Variants in ARSB observed in about 807,000 individuals in gnomAD.
The protein encoded by ARSB is N-acetylgalactosamine-4-sulfatase.
ARSB carries 41 observed loss-of-function variants against 50.9 expected under a neutral mutation model. The ratio of observed to expected loss-of-function variants is 0.81; its 90% CI spans 0.63 to 1.04. The LOEUF is 1.04. Among genes scored for constraint, ARSB ranks in the 50% least tolerant of loss-of-function variants. The probability of loss-of-function intolerance (pLI) is 0.00; values close to 1 mark genes in which losing one functional copy is unlikely to be tolerated. For synonymous variants in ARSB, 269 were observed against 284.8 expected (o/e 0.94, Z 0.56); for missense variants, 672 against 693.3 (o/e 0.97, Z 0.35).
intron 6 of ARSB, among the ~76,000 whole-genome samples, chr5:78,807,523 C>T (rs1010530635): frequency 6.6e-6 from 1 of 152,146 alleles, no homozygotes; most frequent in Non-Finnish European, 1.5e-5. Context: ...TTCAAGGGAG[C>T]CTGGTTTCCA....
At chr5:78,839,474 C>A (rs368952944) in intron 5 of ARSB, 48 bp from the exon 6 acceptor site, 3 of 1,502,356 alleles carry the variant, frequency 2.0e-6, no homozygotes, top group Non-Finnish European at 2.8e-6. Context: ...CTCTAATGGG[C>A]ATGAATTATT....
At chr5:78,855,641 T>C (rs73124626) in intron 5 of ARSB, among the ~76,000 whole-genome samples, 7,440 of 152,138 alleles carry the variant, frequency 0.049, 584 homozygotes, top group African/African-American at 0.17. Flanking sequence ...GTGTGGATCA[T>C]AGTATTGGCT....
chr5:78,893,825 T>C (rs1748445356), intron 4 of ARSB, among the ~76,000 whole-genome samples: 1 of 152,246 alleles, frequency 6.6e-6, no homozygotes, highest in South Asian at 2.1e-4. Context: ...CCATGTTTGA[T>C]GTATTAAGCG....
At chr5:78,808,499 G>T (rs963262580) in intron 6 of ARSB, among the ~76,000 whole-genome samples, 1 of 152,034 alleles carries the variant, frequency 6.6e-6, no homozygotes, top group Non-Finnish European at 1.5e-5. Context: ...TTCTGATGAC[G>T]AGGCCTGCAT....
chr5:78,916,443 T>C (rs530473377), intron 4 of ARSB, among the ~76,000 whole-genome samples: 4 of 152,230 alleles, frequency 2.6e-5, no homozygotes, highest in Non-Finnish European at 5.9e-5. Context: ...TAAACTTGCC[T>C]GTCTTCCGGG....
At chr5:78,796,134 A>T (rs558711976) in intron 6 of ARSB, among the ~76,000 whole-genome samples, 1 of 152,364 alleles carries the variant, frequency 6.6e-6, no homozygotes, top group African/African-American at 2.4e-5. Context: ...AGCCACCTAT[A>T]CCTGAAATAG....
intron 4 of ARSB, among the ~76,000 whole-genome samples, chr5:78,903,404 C>T (rs1042094487): frequency 2.3e-4 from 35 of 152,202 alleles, no homozygotes; most frequent in African/African-American, 8.2e-4. Context: ...TGTGATTCCT[C>T]GAGACAGCAT....
At chr5:78,968,450 C>T (rs1752305797) in intron 2 of ARSB, among the ~76,000 whole-genome samples, 1 of 151,676 alleles carries the variant, frequency 6.6e-6, no homozygotes, top group Admixed American at 6.6e-5. Context: ...TGGGTTCATG[C>T]CCATTCTCCT....
chr5:78,854,289 T>A (rs1581046544), intron 5 of ARSB, among the ~76,000 whole-genome samples: 1 of 152,278 alleles, frequency 6.6e-6, no homozygotes, highest in South Asian at 2.1e-4. Context: ...TTGTTCTTGC[T>A]TTTCTAGTTT....
chr5:78,875,479 C>A (rs1048982265), intron 5 of ARSB, among the ~76,000 whole-genome samples: 10 of 151,870 alleles, frequency 6.6e-5, no homozygotes, highest in Non-Finnish European at 1.5e-4. Context: ...ATGCTGTAGA[C>A]GTTAGTTTAT....
At chr5:78,855,344 A>G (rs1459655058) in intron 5 of ARSB, among the ~76,000 whole-genome samples, 1 of 152,202 alleles carries the variant, frequency 6.6e-6, no homozygotes, top group Non-Finnish European at 1.5e-5. Context: ...GATTTCTCTG[A>G]GCAGTCAAAG....
chr5:78,957,858 G>A (rs1751803986), intron 3 of ARSB, among the ~76,000 whole-genome samples: 1 of 151,636 alleles, frequency 6.6e-6, no homozygotes, highest in Non-Finnish European at 1.5e-5. Flanking sequence ...ACTGCTATCT[G>A]GGTCTTCAGC....
At chr5:78,883,489 A>G (rs529072206) in intron 5 of ARSB, 1 of 152,394 alleles carries the variant, frequency 6.6e-6, no homozygotes, top group South Asian at 2.1e-4. Context: ...AATATGACTC[A>G]TAAGAACCAA....
intron 6 of ARSB, among the ~76,000 whole-genome samples, chr5:78,806,778 T>C (rs1303382099): frequency 6.6e-6 from 1 of 152,206 alleles, no homozygotes; most frequent in African/African-American, 2.4e-5. Context: ...TGGAATGTGA[T>C]AAATATGGTT....
chr5:78,975,086 T>G (rs1040861445), intron 1 of ARSB, among the ~76,000 whole-genome samples: 3 of 152,036 alleles, frequency 2.0e-5, no homozygotes, highest in Admixed American at 6.6e-5. Context: ...CCCCAATCCC[T>G]GCACCCTGTA....
intron 6 of ARSB, among the ~76,000 whole-genome samples, chr5:78,812,483 A>G (rs903591379): frequency 1.3e-5 from 2 of 152,232 alleles, no homozygotes; most frequent in Admixed American, 1.3e-4. Flanking sequence ...GTGGCTACAC[A>G]ACAATCAAAT....
intron 4 of ARSB, among the ~76,000 whole-genome samples, chr5:78,886,682 T>A (rs959631968): frequency 4.6e-5 from 7 of 152,112 alleles, no homozygotes; most frequent in African/African-American, 1.4e-4. Context: ...ACTGGGGTTA[T>A]AGAATCATAC....
chr5:78,962,020 T>C (rs1752007396), intron 3 of ARSB, among the ~76,000 whole-genome samples: 1 of 152,164 alleles, frequency 6.6e-6, no homozygotes, highest in Non-Finnish European at 1.5e-5. Flanking sequence ...AATCATGAGC[T>C]GGGACTCAGA....
In ARSB at chr5:78,917,506, G is replaced by GTTTTA. The variant is rs901656328; in HGVS notation, c.899-31684_899-31680dup. 1.5e-4 allele frequency among the ~76,000 whole-genome samples: 23 copies of GTTTTA among 151,868 alleles called. No homozygotes were observed. The East Asian group carries it at 1.9e-3, about 13-fold the overall frequency. ...GGTTTTTTAAAATGCAATTGTGTTT[G>GTTTTA]TTTTATTTTATTTTATTTTATTTTG... On this transcript the variant is annotated intron_variant, in intron 4 of 7. Coordinates refer to ENST00000264914, the MANE Select transcript of ARSB (RefSeq NM_000046.5).
Sources: gnomAD v4.1 joint callset for allele counts (sites outside exome capture counted in the v4.1 genomes callset) on GRCh38, gnomAD v4.1.1 for gene constraint, MANE v1.5 for transcripts, NCBI Gene and HGNC (gene_info 2026-07-23, HGNC 2026-07-21) for gene names.